The following SLC22A23 variants were observed in gnomAD, a reference collection of about 807,000 sequenced individuals.
SLC22A23 encodes solute carrier family 22 member 23, also known as ion transporter protein.
SLC22A23 carries 26 observed loss-of-function variants against 61.0 expected under a neutral mutation model. The observed-to-expected ratio is 0.43, with a 90% confidence interval of 0.31 to 0.59. The LOEUF is 0.59. SLC22A23 is among the 20% of genes least tolerant of loss of function. The probability of loss-of-function intolerance (pLI) is 0.11; values close to 1 mark genes in which losing one functional copy is unlikely to be tolerated. For missense variants in SLC22A23, 796 were observed against 934.7 expected, an observed-to-expected ratio of 0.85 and a Z score of 1.94; for synonymous variants, 430 against 413.9, an observed-to-expected ratio of 1.04 and a Z score of -0.47.
In SLC22A23 at chr6:3,308,601, T is replaced by A. The variant is rs1581664555; in HGVS notation, c.1083-10383A>T. On this transcript the variant is annotated intron_variant, in intron 4 of 9. Transcript: ENST00000406686. The surrounding 1 kb of genome is among the most constrained non-coding windows in gnomAD (Gnocchi z 5.1). The stretch of plus-strand genomic sequence containing the variant: ...GGGTTGATCAAACCTCACAAAAACG[T>A]GAACCATGCCATTTTCCAGCATGTA... Among the ~76,000 whole-genome samples the A allele has an allele frequency of 6.6e-6, 1 of 152,142 alleles. No homozygotes were observed. The highest frequency in any genetic ancestry group is 2.4e-5 in the African/African-American group (1 of 41,422).
At position 3,309,696 on chromosome 6, in the gene SLC22A23, A is replaced by G. The variant is rs115816926; in HGVS notation, c.1083-11478T>C. ...GGTGGTACAGGAGCTTCACACACAC[A>G]TGCTTCTGAAGGGTTACACCACGGT... is the stretch of plus-strand genomic sequence containing the variant. On this transcript the variant is annotated intron_variant, in intron 4 of 9. Coordinates refer to ENST00000406686, the MANE Select transcript of SLC22A23 (RefSeq NM_015482.2). This position sits in a 1 kb window ranked among gnomAD's most constrained non-coding sequence, Gnocchi z 4.7. 7.3e-3 allele frequency among the ~76,000 whole-genome samples: 1,110 copies of G among 152,280 alleles called. 11 individuals are homozygous for G. Among genetic ancestry groups the G allele is most frequent in the African/African-American group, 0.026 (1,071 of 41,526 alleles).
At chr6:3,343,193 C>T (rs1764247303) in intron 3 of SLC22A23, among the ~76,000 whole-genome samples, 1 of 152,174 alleles carries the variant, frequency 6.6e-6, no homozygotes, top group Non-Finnish European at 1.5e-5. Flanking sequence ...ATGCTGTCAG[C>T]TCACAACAGT....
chr6:3,436,570 C>T (rs1338996703), intron 1 of SLC22A23, among the ~76,000 whole-genome samples: 4 of 152,170 alleles, frequency 2.6e-5, no homozygotes, highest in African/African-American at 9.7e-5. Flanking sequence ...AGTGTCTTCT[C>T]CCGCTCCTTC....
intron 1 of SLC22A23, among the ~76,000 whole-genome samples, chr6:3,441,753 G>T (rs556065966): frequency 6.6e-6 from 1 of 152,154 alleles, no homozygotes; most frequent in Non-Finnish European, 1.5e-5. Context: ...ATCCTGTGCC[G>T]CATGCCAGGG....
At chr6:3,365,397 G>C (rs1042031315) in intron 3 of SLC22A23, among the ~76,000 whole-genome samples, 1 of 152,104 alleles carries the variant, frequency 6.6e-6, no homozygotes, top group Non-Finnish European at 1.5e-5. Flanking sequence ...GTTTAATTTG[G>C]GGAAACACAG....
rs1470524529 is a variant in SLC22A23 at position 3,271,017 on chromosome 6, C to T, written c.*2038G>A. ...GGCCTCGCTGGATCCTTCCCACCTT[C>T]CCCAACTGCCTACTGGCCTGGCTAC... On this transcript the variant is annotated 3_prime_UTR_variant, in exon 10 of 10. Coordinates refer to ENST00000406686, the MANE Select transcript of SLC22A23 (RefSeq NM_015482.2). 1.3e-5 allele frequency: 2 copies of T among 152,414 alleles called. No individual in the cohort carries two copies. The highest frequency in any genetic ancestry group is 1.5e-5 in the Non-Finnish European group (1 of 68,108). 9.4% of individuals were successfully genotyped at this position (152,414 alleles called of 1,614,324 possible).
intron 1 of SLC22A23, among the ~76,000 whole-genome samples, chr6:3,428,017 T>A (rs1285782408): frequency 6.6e-6 from 1 of 152,214 alleles, no homozygotes; most frequent in Non-Finnish European, 1.5e-5. Context: ...GAGGCAGCTC[T>A]CTAAGAGTTT....
Position 3,269,559 on chromosome 6 carries a change from C to T in SLC22A23, c.*3496G>A, listed in dbSNP as rs1198069411. The T allele has an allele frequency of 1.3e-5, 2 of 152,852 alleles. No individual in the cohort carries two copies. The highest frequency in any genetic ancestry group is 4.8e-5 in the African/African-American group (2 of 41,474). 9.5% of individuals were successfully genotyped at this position (152,852 alleles called of 1,614,324 possible). ...CATGCAGACACGCAGCTGTGAACGA[C>T]AGTTCAGAACTCAGCGTAAGCTTGT... is the stretch of plus-strand genomic sequence containing the variant. On this transcript the variant is annotated 3_prime_UTR_variant, in exon 10 of 10. Transcript: ENST00000406686.
rs530113229 is a variant in SLC22A23, at chr6:3,275,450, G to A, written c.1704-2038C>T. ...AACATCAAAAGTAGGATCCATAAAAGAAAAAGCTGATCAATTGGACTTCAT... is the reference window on the plus strand; with the variant it reads ...AACATCAAAAGTAGGATCCATAAAAAAAAAAGCTGATCAATTGGACTTCAT... On this transcript the variant is annotated intron_variant, in intron 9 of 9. Transcript: ENST00000406686. 1.1e-4 allele frequency among the ~76,000 whole-genome samples: 16 copies of A among 151,350 alleles called. No homozygotes were observed. The East Asian group carries it at 2.9e-3, about 27-fold the overall frequency.
rs187022726 is a variant in SLC22A23 at position 3,358,270 on chromosome 6, C to T, written c.914-34268G>A. Among the ~76,000 whole-genome samples, 13 of 148,254 alleles carry T rather than the reference C, an allele frequency of 8.8e-5. No individual in the cohort carries two copies. In the East Asian group the frequency reaches 2.0e-3, roughly 23 times the overall value. On this transcript the variant is annotated intron_variant, in intron 3 of 9. Coordinates refer to ENST00000406686, the MANE Select transcript of SLC22A23 (RefSeq NM_015482.2). Reference sequence around the variant, plus strand: ...AGGATCTCAAAGCACTTGACGTGAGCGCTCCCACGTTCACTGCAGTGTTAT... The same window carrying T: ...AGGATCTCAAAGCACTTGACGTGAGTGCTCCCACGTTCACTGCAGTGTTAT...
At chr6:3,346,065 T>C (rs981089047) in intron 3 of SLC22A23, among the ~76,000 whole-genome samples, 2 of 152,124 alleles carry the variant, frequency 1.3e-5, no homozygotes, top group African/African-American at 4.8e-5. Context: ...ATTTGAAATG[T>C]TCCACTTACA....
chr6:3,437,102 A>G (rs1295347615), intron 1 of SLC22A23, among the ~76,000 whole-genome samples: 1 of 152,148 alleles, frequency 6.6e-6, no homozygotes, highest in Non-Finnish European at 1.5e-5. Flanking sequence ...GGCTTTCCTC[A>G]CCACCCTCCC....
At chr6:3,285,667 G>A (rs577477616) in intron 7 of SLC22A23, among the ~76,000 whole-genome samples, 232 of 152,360 alleles carry the variant, frequency 1.5e-3, no homozygotes, top group African/African-American at 5.3e-3. Context: ...CAGGCGCCAC[G>A]TGTGCAATCC....
At chr6:3,340,499 T>C (rs1199603436) in intron 3 of SLC22A23, among the ~76,000 whole-genome samples, 2 of 152,134 alleles carry the variant, frequency 1.3e-5, no homozygotes, top group African/African-American at 2.4e-5. Context: ...TGAACTTTTG[T>C]AAAAGTTGAT....
chr6:3,452,697 G>GTT (rs1374730979), intron 1 of SLC22A23, among the ~76,000 whole-genome samples: 2 of 141,160 alleles, frequency 1.4e-5, no homozygotes, highest in Admixed American at 7.3e-5. Flanking sequence ...TATATGAAAT[G>GTT]TTTTATAAAC....
intron 3 of SLC22A23, among the ~76,000 whole-genome samples, chr6:3,362,438 A>AAAAAAAAAAAAAAAAAAAAAAAAAC (rs1765536925): frequency 7.3e-6 from 1 of 136,852 alleles, no homozygotes. Context: ...ATAAAAAATA[A>AAAAAAAAAAAAAAAAAAAAAAAAAC]AAATTAGCAT....
intron 3 of SLC22A23, among the ~76,000 whole-genome samples, chr6:3,368,284 C>T (rs1581763816): frequency 6.6e-6 from 1 of 152,334 alleles, no homozygotes; most frequent in South Asian, 2.1e-4. Context: ...CCCCGCGAGG[C>T]CCTTGCACCC....
chr6:3,274,184 G>A (rs952913987), intron 9 of SLC22A23, among the ~76,000 whole-genome samples: 7 of 152,206 alleles, frequency 4.6e-5, no homozygotes, highest in African/African-American at 1.7e-4. Context: ...AAAACTTACA[G>A]AACCCCTATC....
Position 3,342,478 on chromosome 6 carries a change from T to C in SLC22A23, c.914-18476A>G, listed in dbSNP as rs1764205656. Among the ~76,000 whole-genome samples the C allele has an allele frequency of 6.6e-6, 1 of 152,132 alleles. No homozygotes were observed. Among genetic ancestry groups the C allele is most frequent in the Admixed American group, 6.5e-5 (1 of 15,276 alleles). On this transcript the variant is annotated intron_variant, in intron 3 of 9. Transcript: ENST00000406686. This position sits in a 1 kb window ranked among gnomAD's most constrained non-coding sequence, Gnocchi z 4.0. ...ACACACACCTCTTTCTCTCTCCCAG[T>C]CTGCAGAGGTCCCTGAAAACAGTGC...
Sources: allele counts gnomAD v4.1 joint callset (sites outside exome capture counted in the v4.1 genomes callset), GRCh38; gene constraint gnomAD v4.1.1; non-coding constraint Gnocchi (gnomAD v3.1); transcripts MANE v1.5; gene names NCBI Gene and HGNC (gene_info 2026-07-23, HGNC 2026-07-21).